The following PIEZO2 variants were observed in gnomAD, a reference collection of about 807,000 sequenced individuals.
The protein encoded by PIEZO2 is piezo type mechanosensitive ion channel component 2, also known as piezo-type mechanosensitive ion channel component 2.
A neutral mutation model predicts 337.3 loss-of-function variants in PIEZO2; 172 were observed. The observed-to-expected ratio is 0.51, with a 90% CI of 0.45 to 0.58. The LOEUF is 0.58. PIEZO2 is among the 20% of genes least tolerant of loss of function. PIEZO2 has a pLI of 0.00. For missense variants in PIEZO2, 3,028 were observed against 3,391.3 expected (o/e 0.89, Z 2.66); for synonymous variants, 1,251 against 1,228.5 (o/e 1.02, Z -0.38).
chr18:11,091,418 GGAAAA>G (rs2039089173), intron 1 of PIEZO2, among the ~76,000 whole-genome samples: 1 of 150,570 alleles, frequency 6.6e-6, no homozygotes, highest in Admixed American at 6.6e-5. Flanking sequence ...GAAAAAGAAA[GGAAAA>G]GAAAAGAAAT....
chr18:10,689,506 CTAGT>C (rs2034703295), intron 49 of PIEZO2, 145 bp downstream of exon 49: 1 of 1,028,490 alleles, frequency 9.7e-7, no homozygotes, highest in Non-Finnish European at 1.5e-6. Context: ...ATTCCCAACT[CTAGT>C]GGGTTGGAAA....
At chr18:10,734,825 A>C (rs898546642) in intron 35 of PIEZO2, among the ~76,000 whole-genome samples, 5 of 152,164 alleles carry the variant, frequency 3.3e-5, no homozygotes, top group Admixed American at 6.5e-5. Flanking sequence ...GGAGTAAAAG[A>C]CATCTTTTAT....
chr18:10,715,264 T>C (rs2035968241), intron 38 of PIEZO2, among the ~76,000 whole-genome samples: 1 of 152,164 alleles, frequency 6.6e-6, no homozygotes, highest in African/African-American at 2.4e-5. Flanking sequence ...AAGTTTTAGA[T>C]CAAACTTTCC....
At chr18:11,067,395 A>G (rs1426764178) in intron 1 of PIEZO2, among the ~76,000 whole-genome samples, 1 of 152,236 alleles carries the variant, frequency 6.6e-6, no homozygotes, top group Non-Finnish European at 1.5e-5. Flanking sequence ...TAAGAAAAAA[A>G]AAATTATCTT....
intron 4 of PIEZO2, among the ~76,000 whole-genome samples, chr18:10,873,394 C>T (rs1255057990): frequency 1.3e-5 from 2 of 152,178 alleles, no homozygotes; most frequent in African/African-American, 4.8e-5. Flanking sequence ...ATACTCCATT[C>T]TCCCTACGTT....
chr18:11,060,936 T>C (rs1224860209), intron 2 of PIEZO2, among the ~76,000 whole-genome samples: 1 of 152,170 alleles, frequency 6.6e-6, no homozygotes, highest in African/African-American at 2.4e-5. Flanking sequence ...TACTAAAGCC[T>C]GGCAGAGACA....
At chr18:10,864,359 T>C (rs1176212372) in intron 5 of PIEZO2, among the ~76,000 whole-genome samples, 2 of 152,132 alleles carry the variant, frequency 1.3e-5, no homozygotes, top group Non-Finnish European at 2.9e-5. Flanking sequence ...GGGACCCCAG[T>C]AGTCACTCAG....
At chr18:11,139,808 C>A (rs2040591337) in intron 1 of PIEZO2, among the ~76,000 whole-genome samples, 1 of 152,156 alleles carries the variant, frequency 6.6e-6, no homozygotes, top group South Asian at 2.1e-4. Flanking sequence ...GTGACTCTTT[C>A]TTTTGGTATG....
rs1257209653 is a variant in PIEZO2 at position 10,982,727 on chromosome 18, TA to T, written c.161-3068del. 6.6e-6 allele frequency among the ~76,000 whole-genome samples: 1 copy of T among 151,614 alleles called. No homozygotes were observed. Among genetic ancestry groups the T allele is most frequent in the African/African-American group, 2.4e-5 (1 of 40,928 alleles). Reference sequence around the variant, plus strand: ...TATGTTATAAAACCATATGTTTATTTATTTTTTTTTTGAGACAGGGTCTCAC... The same window carrying T: ...TATGTTATAAAACCATATGTTTATTTTTTTTTTTTTGAGACAGGGTCTCAC... On this transcript the variant is annotated intron_variant, in intron 2 of 55. Coordinates refer to ENST00000674853, the MANE Select transcript of PIEZO2 (RefSeq NM_001378183.1). This position sits in a 1 kb window ranked among gnomAD's most constrained non-coding sequence, Gnocchi z 4.1.
rs145201745 is a variant in PIEZO2 at position 10,742,178 on chromosome 18, A to C, written c.4636+316T>G. Among the ~76,000 whole-genome samples, 14 of 152,300 alleles carry C rather than the reference A, an allele frequency of 9.2e-5. No individual in the cohort carries two copies. The East Asian group carries it at 2.3e-3, about 25-fold the overall frequency. On this transcript the variant is annotated intron_variant, in intron 32 of 55. Transcript: ENST00000674853. ...TCAAAAACAAAACAAAACAAAACCA[A>C]AAAAGAAACAAATTAAACAAAATCC...
chr18:10,994,401 T>C (rs1207658419), intron 2 of PIEZO2, among the ~76,000 whole-genome samples: 3 of 44,918 alleles, frequency 6.7e-5, no homozygotes, highest in South Asian at 1.2e-3. Flanking sequence ...TTGTTCTTTC[T>C]TTTTTTTTTT....
chr18:11,047,907 G>A lies in PIEZO2; in HGVS notation c.160+18220C>T, dbSNP rs79056003. On this transcript the variant is annotated intron_variant, in intron 2 of 55. Coordinates refer to ENST00000674853, the MANE Select transcript of PIEZO2 (RefSeq NM_001378183.1). This position sits in a 1 kb window ranked among gnomAD's most constrained non-coding sequence, Gnocchi z 7.2. ...CCTGTAAGAGTTAATGGCTGGCCAG[G>A]TTGCCAGGAAAGAGGAAAAACAGGC... is the stretch of plus-strand genomic sequence containing the variant. Among the ~76,000 whole-genome samples the A allele has an allele frequency of 4.7e-4, 71 of 152,280 alleles. No individual in the cohort carries two copies. The highest frequency in any genetic ancestry group is 8.8e-4 in the Non-Finnish European group (60 of 68,032).
rs1344356682 is a variant in PIEZO2, at chr18:10,724,279, AG to A, written c.5030-6021del. Among the ~76,000 whole-genome samples, 18 of 152,214 alleles carry A rather than the reference AG, an allele frequency of 1.2e-4. No individual in the cohort carries two copies. The East Asian group carries it at 3.1e-3, about 26-fold the overall frequency. ...GAGGCTGAGGTGGGAGGATCACTTGAGGCCAGGAGTTGGAGGCTGCAATGAG... is the reference window on the plus strand; with the variant it reads ...GAGGCTGAGGTGGGAGGATCACTTGAGCCAGGAGTTGGAGGCTGCAATGAG... On this transcript the variant is annotated intron_variant, in intron 36 of 55. Coordinates refer to ENST00000674853, the MANE Select transcript of PIEZO2 (RefSeq NM_001378183.1). The surrounding 1 kb of genome is among the most constrained non-coding windows in gnomAD (Gnocchi z 5.8).
At chr18:10,920,590 A>G (rs1345713663) in intron 3 of PIEZO2, among the ~76,000 whole-genome samples, 2 of 152,092 alleles carry the variant, frequency 1.3e-5, no homozygotes, top group African/African-American at 4.8e-5. Context: ...TGCTGTTACA[A>G]CTCGTTCATA....
At chr18:11,000,659 C>T (rs543104207) in intron 2 of PIEZO2, among the ~76,000 whole-genome samples, 50 of 152,276 alleles carry the variant, frequency 3.3e-4, no homozygotes, top group African/African-American at 9.4e-4. Flanking sequence ...ACTCCTACAC[C>T]GCATGCTGTA....
At chr18:11,059,430 C>A (rs1170429596) in intron 2 of PIEZO2, among the ~76,000 whole-genome samples, 1 of 152,126 alleles carries the variant, frequency 6.6e-6, no homozygotes, top group African/African-American at 2.4e-5. Context: ...TGCAAATGGG[C>A]TAAATGCTCC....
At position 10,716,073 on chromosome 18, in the gene PIEZO2, G is replaced by T. The variant is rs966028308; in HGVS notation, c.5090-257C>A. Among the ~76,000 whole-genome samples, 3 of 152,196 alleles carry T rather than the reference G, an allele frequency of 2.0e-5. No homozygotes were observed. The South Asian group carries it at 6.2e-4, about 32-fold the overall frequency. On this transcript the variant is annotated intron_variant, in intron 37 of 55. Transcript: ENST00000674853. This position sits in a 1 kb window ranked among gnomAD's most constrained non-coding sequence, Gnocchi z 4.1. ...TTTAGTGGAAACAGAAAGCAGGGCG[G>T]CTCCCTGTGCAGCTGACCCTTGAAC... is the stretch of plus-strand genomic sequence containing the variant.
At chr18:10,880,064 C>T (rs1194389284) in intron 4 of PIEZO2, among the ~76,000 whole-genome samples, 1 of 152,162 alleles carries the variant, frequency 6.6e-6, no homozygotes, top group Non-Finnish European at 1.5e-5. Context: ...AGTTCTTAAG[C>T]TTGGTGAAAG....
chr18:10,766,777 C>T lies in PIEZO2; in HGVS notation c.2946+3371G>A, dbSNP rs1298277571. Among the ~76,000 whole-genome samples the T allele has an allele frequency of 6.6e-6, 1 of 152,226 alleles. No homozygotes were observed. The highest frequency in any genetic ancestry group is 1.5e-5 in the Non-Finnish European group (1 of 68,042). Reference sequence around the variant, plus strand: ...TTTAGTTTTATTTGGCAGCCATTCCCATCAGGCTGTGAGCTCAGACAAGAA... The same window carrying T: ...TTTAGTTTTATTTGGCAGCCATTCCTATCAGGCTGTGAGCTCAGACAAGAA... On this transcript the variant is annotated intron_variant, in intron 21 of 55. Transcript: ENST00000674853. The surrounding 1 kb of genome is among the most constrained non-coding windows in gnomAD (Gnocchi z 6.1).
Sources: allele counts gnomAD v4.1 joint callset (sites outside exome capture counted in the v4.1 genomes callset), GRCh38; gene constraint gnomAD v4.1.1; non-coding constraint Gnocchi (gnomAD v3.1); transcripts MANE v1.5; gene names NCBI Gene and HGNC (gene_info 2026-07-23, HGNC 2026-07-21).